Variants in GNG2 observed in about 807,000 individuals in gnomAD.
GNG2 encodes guanine nucleotide-binding protein G(I)/G(S)/G(O) subunit gamma-2.
Under a neutral mutation model 5.5 loss-of-function variants are expected in GNG2, and 5 were observed. The observed-to-expected ratio is 0.91, with a 90% CI of 0.48 to 1.92. GNG2 has a LOEUF of 1.92. GNG2 is among the 30% of genes most tolerant of loss of function. GNG2 has a pLI of 0.01. For missense variants in GNG2, 55 were observed against 88.4 expected (o/e 0.62, Z 1.52); for synonymous variants, 28 against 32.0 (o/e 0.88, Z 0.42).
intron 2 of GNG2, among the ~76,000 whole-genome samples, chr14:51,904,295 G>A (rs1021750209): frequency 5.3e-5 from 8 of 152,180 alleles, no homozygotes; most frequent in African/African-American, 1.9e-4. Context: ...CCAGTTCAGG[G>A]TCTGGCAGGA....
chr14:51,954,081 T>G (rs987523599), intron 3 of GNG2, among the ~76,000 whole-genome samples: 2 of 152,180 alleles, frequency 1.3e-5, no homozygotes, highest in Non-Finnish European at 2.9e-5. Flanking sequence ...TAAATTATGC[T>G]GCATAGAGTA....
At chr14:51,885,441 G>C (rs770664475) in intron 2 of GNG2, among the ~76,000 whole-genome samples, 26 of 151,898 alleles carry the variant, frequency 1.7e-4, no homozygotes, top group Non-Finnish European at 3.2e-4. Flanking sequence ...AAGCTGCCAG[G>C]GTCCTCCAGA....
At chr14:51,856,787 G>T (rs1318726143), upstream of GNG2, among the ~76,000 whole-genome samples, 3 of 152,222 alleles carry the variant, frequency 2.0e-5, no homozygotes, top group Non-Finnish European at 4.4e-5. Flanking sequence ...TTTATAAGAA[G>T]TTCAATGCAG....
intron 2 of GNG2, among the ~76,000 whole-genome samples, chr14:51,929,026 A>G (rs1379476898): frequency 6.6e-6 from 1 of 152,188 alleles, no homozygotes; most frequent in African/African-American, 2.4e-5. Context: ...TCTGTCGTTT[A>G]TCTATATGTG....
chr14:51,847,881 CTTTTTTTTT>C (rs540204195), intron 2 of GNG2, among the ~76,000 whole-genome samples: 77 of 48,202 alleles, frequency 1.6e-3, no homozygotes, highest in Middle Eastern at 0.013. Context: ...GGTCCTTTTT[CTTTTTTTTT>C]TTTTTTTTTT....
intron 1 of GNG2, among the ~76,000 whole-genome samples, chr14:51,866,395 C>A (rs980843640): frequency 3.3e-5 from 5 of 150,220 alleles, no homozygotes; most frequent in Admixed American, 6.6e-5. Context: ...GTCCCTACTG[C>A]CTTTGTGCGT....
chr14:51,897,505 C>A lies in GNG2; in HGVS notation c.-30+19848C>A, dbSNP rs549539012. ...ACTTGGTAGGCCCCACAGATGGAAC[C>A]AAATTTCCAGTTGAACTGGTATTCT... is the stretch of plus-strand genomic sequence containing the variant. On this transcript the variant is annotated intron_variant, in intron 2 of 3. Coordinates refer to ENST00000556766, the MANE Select transcript of GNG2 (RefSeq NM_053064.5). Among the ~76,000 whole-genome samples the A allele has an allele frequency of 1.8e-4, 28 of 152,190 alleles. No individual in the cohort carries two copies. The South Asian group carries it at 5.6e-3, about 30-fold the overall frequency.
At chr14:51,931,446 A>G (rs1008306515) in intron 2 of GNG2, among the ~76,000 whole-genome samples, 1 of 152,184 alleles carries the variant, frequency 6.6e-6, no homozygotes, top group Admixed American at 6.5e-5. Context: ...TAGGCAGTGG[A>G]TATATGGGCC....
At chr14:51,920,847 T>C (rs1478088664) in intron 2 of GNG2, among the ~76,000 whole-genome samples, 1 of 152,136 alleles carries the variant, frequency 6.6e-6, no homozygotes, top group Non-Finnish European at 1.5e-5. Flanking sequence ...TTGCAACTGT[T>C]GGGGCCATGG....
At chr14:51,849,946 A>T (rs1310334467) in intron 2 of GNG2, among the ~76,000 whole-genome samples, 1 of 151,890 alleles carries the variant, frequency 6.6e-6, no homozygotes. Flanking sequence ...AGTAGTTGGG[A>T]CTATAGGCGG....
intron 2 of GNG2, among the ~76,000 whole-genome samples, chr14:51,926,980 A>C (rs1011125178): frequency 6.6e-6 from 1 of 152,206 alleles, no homozygotes; most frequent in African/African-American, 2.4e-5. Context: ...CATGATAAAT[A>C]GTTTTGTCTG....
chr14:51,924,294 A>AG (rs1382599042), intron 2 of GNG2, among the ~76,000 whole-genome samples: 13 of 152,240 alleles, frequency 8.5e-5, no homozygotes, highest in East Asian at 5.8e-4. Flanking sequence ...TATACATGGA[A>AG]GACCCCTATT....
chr14:51,856,143 A>T (rs1882147275), upstream of GNG2, among the ~76,000 whole-genome samples: 1 of 152,168 alleles, frequency 6.6e-6, no homozygotes, highest in African/African-American at 2.4e-5. Context: ...GTGCCACTGC[A>T]CTACACCCTG....
chr14:51,931,972 C>T (rs1487070213), intron 2 of GNG2, among the ~76,000 whole-genome samples: 4 of 151,914 alleles, frequency 2.6e-5, no homozygotes, highest in African/African-American at 7.3e-5. Context: ...GTGGGCCGGG[C>T]GCGGTGGCTC....
At chr14:51,960,950 G>A (rs1286520970) in intron 3 of GNG2, among the ~76,000 whole-genome samples, 15 of 152,070 alleles carry the variant, frequency 9.9e-5, no homozygotes, top group Non-Finnish European at 1.6e-4. Flanking sequence ...GGCTCAAGAT[G>A]AATCCTCCAG....
chr14:51,878,912 A>C (rs1883857011), intron 2 of GNG2, among the ~76,000 whole-genome samples: 1 of 152,222 alleles, frequency 6.6e-6, no homozygotes, highest in African/African-American at 2.4e-5. Context: ...CTGTCATGCT[A>C]ATAAGTATGC....
chr14:51,910,861 G>A (rs901392870), intron 2 of GNG2, among the ~76,000 whole-genome samples: 2 of 152,234 alleles, frequency 1.3e-5, no homozygotes, highest in Non-Finnish European at 2.9e-5. Flanking sequence ...AAAAGCCCAT[G>A]GCAGAATGCC....
At chr14:51,917,367 T>C (rs894478804) in intron 2 of GNG2, 1 of 455,590 alleles carries the variant, frequency 2.2e-6, no homozygotes, top group African/African-American at 2.0e-5. Flanking sequence ...GAAAATCGCA[T>C]CCCATTTGTC....
chr14:51,897,775 C>T (rs1166206152), intron 2 of GNG2, among the ~76,000 whole-genome samples: 2 of 152,204 alleles, frequency 1.3e-5, no homozygotes, highest in South Asian at 2.1e-4. Flanking sequence ...CTGTCATTGG[C>T]TCTGCCATGT....
Sources: gnomAD v4.1 joint callset for allele counts (sites outside exome capture counted in the v4.1 genomes callset) on GRCh38, gnomAD v4.1.1 for gene constraint, MANE v1.5 for transcripts, NCBI Gene and HGNC (gene_info 2026-07-23, HGNC 2026-07-21) for gene names.